The following COL19A1 variants were observed in gnomAD, a reference collection of about 807,000 sequenced individuals.
COL19A1 encodes collagen type XIX alpha 1 chain, also known as collagen alpha-1(XIX) chain.
A neutral mutation model predicts 190.2 loss-of-function variants in COL19A1; 159 were observed. The observed-to-expected ratio is 0.84, with a 90% CI of 0.73 to 0.95. COL19A1 has a LOEUF of 0.95. Among genes scored for constraint, COL19A1 ranks in the 40% least tolerant of loss-of-function variants. COL19A1 has a pLI of 0.00. For missense variants in COL19A1, 1,418 were observed against 1,431.9 expected (o/e 0.99, Z 0.16); for synonymous variants, 509 against 458.9 (o/e 1.11, Z -1.39).
chr6:70,090,442 G>A (rs1465289519), intron 15 of COL19A1, among the ~76,000 whole-genome samples: 2 of 151,988 alleles, frequency 1.3e-5, no homozygotes, highest in African/African-American at 2.4e-5. Context: ...ATATGAGAGG[G>A]TGTGTGTAGC....
At chr6:70,091,399 G>A (rs1782917916) in intron 15 of COL19A1, among the ~76,000 whole-genome samples, 1 of 152,162 alleles carries the variant, frequency 6.6e-6, no homozygotes, top group Non-Finnish European at 1.5e-5. Flanking sequence ...TATTGAGACA[G>A]AATTCAAGGT....
At chr6:70,154,565 A>G (rs533659497) in intron 31 of COL19A1, among the ~76,000 whole-genome samples, 23 of 152,280 alleles carry the variant, frequency 1.5e-4, no homozygotes, top group South Asian at 4.1e-4. Flanking sequence ...AATAGTATAT[A>G]TGTATATATG....
chr6:69,890,334 A>C (rs983854021), intron 2 of COL19A1: 1 of 152,110 alleles, frequency 6.6e-6, no homozygotes, highest in Non-Finnish European at 1.5e-5. Flanking sequence ...CCTCTTTCCC[A>C]CTACAGATTA....
intron 16 of COL19A1, among the ~76,000 whole-genome samples, chr6:70,117,162 G>T (rs980644535): frequency 6.6e-6 from 1 of 152,176 alleles, no homozygotes; most frequent in African/African-American, 2.4e-5. Context: ...AGCTGGATCA[G>T]AAGGCTCAAG....
chr6:70,165,591 C>T (rs1186230324), intron 36 of COL19A1, among the ~76,000 whole-genome samples: 1 of 152,284 alleles, frequency 6.6e-6, no homozygotes, highest in East Asian at 1.9e-4. Context: ...TCCCAGAGCC[C>T]ACTGCCTGCT....
intron 4 of COL19A1, among the ~76,000 whole-genome samples, chr6:69,910,396 A>C (rs1770833214): frequency 6.6e-6 from 1 of 152,166 alleles, no homozygotes; most frequent in Non-Finnish European, 1.5e-5. Context: ...AATTCACCTA[A>C]AATTTCAAAA....
chr6:69,921,263 TATATC>T (rs1368728275), intron 4 of COL19A1, among the ~76,000 whole-genome samples: 2 of 131,264 alleles, frequency 1.5e-5, no homozygotes, highest in African/African-American at 2.8e-5. Context: ...TATCATATCA[TATATC>T]ATATATATCA....
At chr6:70,002,443 C>T (rs1294549888) in intron 11 of COL19A1, among the ~76,000 whole-genome samples, 2 of 151,856 alleles carry the variant, frequency 1.3e-5, no homozygotes, top group Non-Finnish European at 2.9e-5. Context: ...CCAGCTCCTC[C>T]TTATACCCCT....
At chr6:70,120,647 G>A (rs1020908344) in intron 16 of COL19A1, among the ~76,000 whole-genome samples, 12 of 152,130 alleles carry the variant, frequency 7.9e-5, no homozygotes, top group African/African-American at 1.4e-4. Flanking sequence ...TAACAGCATC[G>A]TTTGTCTTTC....
chr6:70,091,409 T>A (rs1363993476), intron 15 of COL19A1, among the ~76,000 whole-genome samples: 1 of 152,196 alleles, frequency 6.6e-6, no homozygotes, highest in African/African-American at 2.4e-5. Flanking sequence ...GAATTCAAGG[T>A]ATTTCCAGAG....
At position 70,206,498 on chromosome 6, in the gene COL19A1, G is replaced by C. The variant is rs548437644; in HGVS notation, c.3224-403G>C. Reference sequence around the variant, plus strand: ...ACAAAAAAAATAGCCAGGAGTGGTGGTTGAGTGCTTGTAATTCCAGCTACT... The same window carrying C: ...ACAAAAAAAATAGCCAGGAGTGGTGCTTGAGTGCTTGTAATTCCAGCTACT... On this transcript the variant is annotated intron_variant, in intron 49 of 50. Transcript: ENST00000620364. Among the ~76,000 whole-genome samples the C allele has an allele frequency of 2.6e-5, 4 of 152,256 alleles. No individual in the cohort carries two copies. The South Asian group carries it at 8.3e-4, about 32-fold the overall frequency.
At chr6:70,054,059 A>C (rs1780360107) in intron 14 of COL19A1, among the ~76,000 whole-genome samples, 1 of 152,192 alleles carries the variant, frequency 6.6e-6, no homozygotes, top group Admixed American at 6.6e-5. Flanking sequence ...AAATGATAAA[A>C]AGATATTTTG....
chr6:69,929,629 G>A lies in COL19A1; in HGVS notation c.595G>A (p.Glu199Lys). ...TTTAATTGCGAGGAGGCAGACTGAT[G>A]AAAAGGACACTGTGGATTTCCATGG... ...CNLIARRQTD[E>K]KDTVDFHGRT... Residue 199 changes from glutamate to lysine, a missense_variant, in exon 6 of 51, where the codon GAA becomes AAA. Coordinates refer to ENST00000620364, the MANE Select transcript of COL19A1 (RefSeq NM_001858.6). The A allele has an allele frequency of 6.2e-7, 1 of 1,614,026 alleles. No individual in the cohort carries two copies. Among genetic ancestry groups the A allele is most frequent in the Non-Finnish European group, 8.5e-7 (1 of 1,179,966 alleles).
intron 18 of COL19A1, among the ~76,000 whole-genome samples, chr6:70,133,110 T>C (rs896548509): frequency 1.3e-5 from 2 of 152,222 alleles, no homozygotes; most frequent in African/African-American, 4.8e-5. Flanking sequence ...GTCTTGCTCA[T>C]CTTTGTATCT....
At chr6:69,981,450 C>A (rs528086936) in intron 11 of COL19A1, among the ~76,000 whole-genome samples, 93 of 151,880 alleles carry the variant, frequency 6.1e-4, no homozygotes, top group Non-Finnish European at 1.0e-3. Flanking sequence ...TGATTAAAAT[C>A]CTGATTGTGC....
chr6:70,141,920 G>A lies in COL19A1; in HGVS notation c.1510G>A (p.Gly504Arg). ...RGEPGVIGSQGVKGEPGDPGP... is the reference protein window; with the variant it reads ...RGEPGVIGSQRVKGEPGDPGP... ...AGAACCTGGGGTAATAGGATCACAG[G>A]GAGTAAAGGTAATTTCCTGGCATTC... Residue 504 changes from glycine (G) to arginine (R), a missense_variant, in exon 21 of 51, where the codon GGA becomes AGA. Physicochemically the swap from Gly to Arg is moderately radical, Grantham distance 125 (BLOSUM62 -2). Transcript: ENST00000620364. The A allele has an allele frequency of 1.2e-6, 2 of 1,603,450 alleles. No homozygotes were observed. The highest frequency in any genetic ancestry group is 1.7e-6 in the Non-Finnish European group (2 of 1,170,790).
intron 2 of COL19A1, among the ~76,000 whole-genome samples, chr6:69,887,797 C>T (rs1769043534): frequency 6.6e-6 from 1 of 152,094 alleles, no homozygotes; most frequent in Non-Finnish European, 1.5e-5. Context: ...GGAACTCTCA[C>T]TAGGCCAGAG....
At chr6:70,172,842 T>C (rs1765578259) in intron 41 of COL19A1, among the ~76,000 whole-genome samples, 1 of 152,214 alleles carries the variant, frequency 6.6e-6, no homozygotes. Flanking sequence ...TGAGGGAACT[T>C]GCAGCCAGAG....
intron 11 of COL19A1, among the ~76,000 whole-genome samples, chr6:70,020,096 T>A (rs1235704125): frequency 6.6e-6 from 1 of 152,124 alleles, no homozygotes; most frequent in Admixed American, 6.6e-5. Context: ...TTAATACTAG[T>A]TAAAATATTA....
Sources: allele counts gnomAD v4.1 joint callset (sites outside exome capture counted in the v4.1 genomes callset), GRCh38; gene constraint gnomAD v4.1.1; transcripts MANE v1.5; gene names NCBI Gene and HGNC (gene_info 2026-07-23, HGNC 2026-07-21).